Variants in TMEM131L observed in about 807,000 individuals in gnomAD.
TMEM131L encodes the protein transmembrane 131 like.
In TMEM131L, 54 loss-of-function variants were observed where a neutral mutation model predicts 192.2. The observed-to-expected ratio is 0.28, with a 90% confidence interval of 0.23 to 0.35. The LOEUF is 0.35. TMEM131L is among the 10% of genes least tolerant of loss of function. The pLI, the probability that TMEM131L is intolerant of heterozygous loss-of-function variation, is 1.00. For missense variants in TMEM131L, 1,888 were observed against 1,972.9 expected, an observed-to-expected ratio of 0.96 and a Z score of 0.82; for synonymous variants, 701 against 704.9, an observed-to-expected ratio of 0.99 and a Z score of 0.09.
chr4:153,607,243 G>A (rs1436893675), intron 25 of TMEM131L, among the ~76,000 whole-genome samples: 2 of 152,366 alleles, frequency 1.3e-5, no homozygotes, highest in Admixed American at 6.5e-5. Flanking sequence ...TAAGTCACAA[G>A]TGCAAAGAAT....
At chr4:153,552,157 C>T (rs1022762458) in intron 4 of TMEM131L, among the ~76,000 whole-genome samples, 1 of 151,800 alleles carries the variant, frequency 6.6e-6, no homozygotes, top group African/African-American at 2.4e-5. Context: ...TTGCAGTGAG[C>T]CAAGATCATC....
In TMEM131L at chr4:153,524,151, T is replaced by C. The variant is rs1002657719; in HGVS notation, c.240-25922T>C. 3.8e-4 allele frequency among the ~76,000 whole-genome samples: 52 copies of C among 135,248 alleles called. 1 individual carries two copies. The East Asian group carries it at 6.8e-3, about 18-fold the overall frequency. 88.7% of individuals were successfully genotyped at this position (135,248 alleles called of 152,430 possible). On this transcript the variant is annotated intron_variant, in intron 3 of 34. Transcript: ENST00000409959. Reference sequence around the variant, plus strand: ...CTTCTGTTTTTTTTTTTTTTTTTTTTCCTGTCTTAGCTGCAAAGTCTAGTG... The same window carrying C: ...CTTCTGTTTTTTTTTTTTTTTTTTTCCCTGTCTTAGCTGCAAAGTCTAGTG...
intron 3 of TMEM131L, among the ~76,000 whole-genome samples, chr4:153,548,582 C>T (rs948181189): frequency 3.3e-5 from 5 of 152,166 alleles, no homozygotes; most frequent in Admixed American, 1.3e-4. Context: ...GGATTACAGG[C>T]GTGAGCCACT....
intron 23 of TMEM131L, 48 bp downstream of exon 23, chr4:153,602,775 T>C: frequency 6.4e-7 from 1 of 1,560,868 alleles, no homozygotes; most frequent in Non-Finnish European, 8.8e-7. Flanking sequence ...AGAGAAGTCA[T>C]CCAGGCAAGT....
chr4:153,475,293 A>G (rs758879074), intron 3 of TMEM131L, among the ~76,000 whole-genome samples: 1 of 152,136 alleles, frequency 6.6e-6, no homozygotes, highest in Admixed American at 6.5e-5. Context: ...AGATCATTCA[A>G]GTTACTTTTA....
chr4:153,500,141 C>T (rs536719304), intron 3 of TMEM131L, among the ~76,000 whole-genome samples: 1 of 149,314 alleles, frequency 6.7e-6, no homozygotes, highest in South Asian at 2.3e-4. Flanking sequence ...CACTCTCTTA[C>T]CCAGGCTGGA....
intron 12 of TMEM131L, 59 bp downstream of exon 12, chr4:153,584,990 T>C (rs1192157399): frequency 7.8e-6 from 10 of 1,281,042 alleles, no homozygotes; most frequent in Non-Finnish European, 6.8e-6. Context: ...TTTTCCCCTC[T>C]AGAAATGGTT....
chr4:153,545,272 A>G (rs1001223388), intron 3 of TMEM131L, among the ~76,000 whole-genome samples: 1 of 145,694 alleles, frequency 6.9e-6, no homozygotes, highest in Non-Finnish European at 1.5e-5. Flanking sequence ...TTTCTCTTGT[A>G]TCAGCCACTT....
rs200528369 is a variant in TMEM131L at position 153,620,773 on chromosome 4, G to A, written c.3585G>A (p.Arg1195=). The change falls in exon 27 of 35, where the codon AGG becomes AGA. Residue 1195 remains arginine (R), a synonymous_variant. Transcript: ENST00000409959. The part of the protein sequence containing the change: ...IPFVEQEDPY[R]KKKLQEKREG... The stretch of plus-strand genomic sequence containing the variant: ...TTCTTTAGCAAGAAGATCCTTATAG[G>A]AAGAAAAAGCTTCAGGAGAAAAGAG... 3.2e-6 allele frequency: 5 copies of A among 1,540,878 alleles called. No homozygotes were observed. The East Asian group carries it at 9.1e-5, about 28-fold the overall frequency.
intron 16 of TMEM131L, 138 bp from the exon 17 acceptor site, chr4:153,590,915 A>G (rs1731023253): frequency 4.2e-6 from 2 of 474,384 alleles, no homozygotes; most frequent in African/African-American, 2.1e-5. Context: ...CAGACCTAGA[A>G]TAAACCATTT....
At chr4:153,599,586 T>G (rs557965306) in intron 21 of TMEM131L, among the ~76,000 whole-genome samples, 1 of 152,304 alleles carries the variant, frequency 6.6e-6, no homozygotes, top group African/African-American at 2.4e-5. Flanking sequence ...TGTTAAATAT[T>G]TAAAATAAAT....
chr4:153,476,693 AAAAAAC>A (rs1299226126), intron 3 of TMEM131L, among the ~76,000 whole-genome samples: 11 of 152,308 alleles, frequency 7.2e-5, no homozygotes, highest in Middle Eastern at 3.4e-3. Flanking sequence ...TCCATCTCAA[AAAAAAC>A]AAAAACAAAA....
At chr4:153,524,389 T>C (rs1292115450) in intron 3 of TMEM131L, among the ~76,000 whole-genome samples, 1 of 152,226 alleles carries the variant, frequency 6.6e-6, no homozygotes, top group Non-Finnish European at 1.5e-5. Flanking sequence ...CACAACACTT[T>C]GTAAATTTTA....
At chr4:153,561,156 T>C (rs1580217175) in intron 7 of TMEM131L, among the ~76,000 whole-genome samples, 2 of 152,378 alleles carry the variant, frequency 1.3e-5, no homozygotes, top group African/African-American at 4.8e-5. Flanking sequence ...CATCTTTTCA[T>C]GTGCTCAGTG....
At chr4:153,479,190 G>C (rs1731752379) in intron 3 of TMEM131L, among the ~76,000 whole-genome samples, 1 of 152,190 alleles carries the variant, frequency 6.6e-6, no homozygotes, top group Non-Finnish European at 1.5e-5. Context: ...TTACCTCAAA[G>C]TCTGGGAAAG....
chr4:153,511,720 CAA>C lies in TMEM131L; in HGVS notation c.239+37835_239+37836del, dbSNP rs1323634480. Among the ~76,000 whole-genome samples, 6 of 152,056 alleles carry C rather than the reference CAA, an allele frequency of 3.9e-5. No individual in the cohort carries two copies. The East Asian group carries it at 1.2e-3, about 29-fold the overall frequency. ...AGTGCCTACATCTATAAGAACTAAA[CAA>C]AATAATAGATTTTGTGCTGAATCTT... is the stretch of plus-strand genomic sequence containing the variant. On this transcript the variant is annotated intron_variant, in intron 3 of 34. Coordinates refer to ENST00000409959, the MANE Select transcript of TMEM131L (RefSeq NM_001131007.2).
chr4:153,467,620 T>TA lies in TMEM131L; in HGVS notation c.195+341dup, dbSNP rs575824903. Among the ~76,000 whole-genome samples, 192 of 152,310 alleles carry TA rather than the reference T, an allele frequency of 1.3e-3. 2 individuals carry two copies. The highest frequency in any genetic ancestry group is 4.2e-3 in the African/African-American group (173 of 41,570). ...TGGTGCTGTGTGGATGGCAAGTGGC[T>TA]AAGAGGTTGAGGACAACAGGAGTAT... On this transcript the variant is annotated intron_variant, in intron 2 of 34. Coordinates refer to ENST00000409959, the MANE Select transcript of TMEM131L (RefSeq NM_001131007.2).
chr4:153,577,802 T>A (rs956765472), intron 7 of TMEM131L, among the ~76,000 whole-genome samples: 1 of 152,040 alleles, frequency 6.6e-6, no homozygotes, highest in Non-Finnish European at 1.5e-5. Flanking sequence ...GGATAAATAA[T>A]GATAGGGTTG....
At chr4:153,576,988 G>A (rs870663) in intron 7 of TMEM131L, among the ~76,000 whole-genome samples, 20,365 of 152,104 alleles carry the variant, frequency 0.13, 3,873 homozygotes, top group African/African-American at 0.42. Flanking sequence ...CCTGGCGTAG[G>A]TAGACCTTGA....
Sources: gnomAD v4.1 joint callset for allele counts (sites outside exome capture counted in the v4.1 genomes callset) on GRCh38, gnomAD v4.1.1 for gene constraint, MANE v1.5 for transcripts, NCBI Gene and HGNC (gene_info 2026-07-23, HGNC 2026-07-21) for gene names.